The following DIAPH3 variants were observed in gnomAD, a reference collection of about 807,000 sequenced individuals.
DIAPH3 encodes diaphanous related formin 3.
In DIAPH3, 117 loss-of-function variants were observed where a neutral mutation model predicts 144.3. That is an observed-to-expected ratio of 0.81 (90% CI 0.70 to 0.95). The LOEUF (loss-of-function observed/expected upper bound fraction) is 0.95. Among genes scored for constraint, DIAPH3 ranks in the 40% least tolerant of loss-of-function variants. DIAPH3 has a pLI of 0.00. For synonymous variants in DIAPH3, 519 were observed against 488.9 expected (o/e 1.06, Z -0.81); for missense variants, 1,421 against 1,412.7 (o/e 1.01, Z -0.09).
chr13:59,980,996 A>G (rs2050970159), intron 13 of DIAPH3, 137 bp from the exon 14 acceptor site: 3 of 686,920 alleles, frequency 4.4e-6, no homozygotes, highest in Non-Finnish European at 4.8e-6. Context: ...TGGAAAAAAT[A>G]TTATAATGTT....
At chr13:59,881,236 C>T (rs1356984054) in intron 20 of DIAPH3, among the ~76,000 whole-genome samples, 1 of 151,892 alleles carries the variant, frequency 6.6e-6, no homozygotes, top group Admixed American at 6.6e-5. Flanking sequence ...GTTCATATGA[C>T]ACTGGTAACA....
At chr13:60,087,428 C>T (rs1299001743) in intron 4 of DIAPH3, among the ~76,000 whole-genome samples, 2 of 152,174 alleles carry the variant, frequency 1.3e-5, no homozygotes, top group African/African-American at 4.8e-5. Flanking sequence ...TATATCCATA[C>T]ACACAAATAT....
chr13:59,706,975 G>C (rs943753962), intron 27 of DIAPH3, among the ~76,000 whole-genome samples: 2 of 152,154 alleles, frequency 1.3e-5, no homozygotes, highest in African/African-American at 2.4e-5. Context: ...GGGTAGAATT[G>C]ACACATGCAT....
intron 18 of DIAPH3, 39 bp downstream of exon 18, chr13:59,924,736 T>G: frequency 6.3e-7 from 1 of 1,581,772 alleles, no homozygotes. Flanking sequence ...AAAGAAATAT[T>G]TCCACTGTCT....
chr13:60,163,630 G>A lies in DIAPH3; in HGVS notation c.137C>T (p.Pro46Leu), dbSNP rs987952235. The A allele has an allele frequency of 3.1e-6, 5 of 1,605,224 alleles. No individual in the cohort carries two copies. Among genetic ancestry groups the A allele is most frequent in the Non-Finnish European group, 4.3e-6 (5 of 1,173,764 alleles). The part of the protein sequence containing the change: ...PRRKGPQHPP[P>L]PSGPEEPGEK... Reference sequence around the variant, plus strand: ...CCCAGGCTCCTCGGGGCCACTGGGCGGCGGAGGGTGTTGGGGGCCCTTCCT... The same window carrying A: ...CCCAGGCTCCTCGGGGCCACTGGGCAGCGGAGGGTGTTGGGGGCCCTTCCT... The change falls in exon 1 of 28, where the codon CCG becomes CTG. Residue 46 changes from proline to leucine, a missense_variant. Pro to Leu is a moderately conservative substitution (Grantham distance 98, BLOSUM62 -3). Coordinates refer to ENST00000400324, the MANE Select transcript of DIAPH3 (RefSeq NM_001042517.2).
intron 25 of DIAPH3, among the ~76,000 whole-genome samples, chr13:59,777,837 T>C (rs2038505315): frequency 6.6e-6 from 1 of 152,038 alleles, no homozygotes; most frequent in South Asian, 2.1e-4. Context: ...TAGAGAACTG[T>C]TCTAGATTAA....
intron 17 of DIAPH3, among the ~76,000 whole-genome samples, chr13:59,966,251 T>C (rs1243729928): frequency 2.0e-5 from 3 of 150,988 alleles, no homozygotes; most frequent in Admixed American, 1.3e-4. Flanking sequence ...AAAAGCAGAA[T>C]AGGTAAGATC....
At chr13:60,088,813 G>A (rs1461469195) in intron 4 of DIAPH3, among the ~76,000 whole-genome samples, 2 of 152,040 alleles carry the variant, frequency 1.3e-5, no homozygotes, top group African/African-American at 4.8e-5. Context: ...GGAGAGACAG[G>A]GTTTCACCAT....
At chr13:59,928,151 C>A (rs750349515) in intron 17 of DIAPH3, among the ~76,000 whole-genome samples, 1 of 151,974 alleles carries the variant, frequency 6.6e-6, no homozygotes, top group Non-Finnish European at 1.5e-5. Context: ...TATTTCTTGT[C>A]CTTGTCTAGT....
intron 4 of DIAPH3, among the ~76,000 whole-genome samples, chr13:60,065,390 A>C (rs2056920228): frequency 6.6e-6 from 1 of 152,110 alleles, no homozygotes; most frequent in Non-Finnish European, 1.5e-5. Flanking sequence ...TCTGTTCCCA[A>C]ATCTGATCTT....
intron 27 of DIAPH3, among the ~76,000 whole-genome samples, chr13:59,742,482 A>T (rs2036505491): frequency 6.6e-6 from 1 of 152,136 alleles, no homozygotes; most frequent in Admixed American, 6.5e-5. Context: ...TCTGGTTCTT[A>T]TGACTTACCT....
chr13:59,929,558 T>TC (rs1349830996), intron 17 of DIAPH3, among the ~76,000 whole-genome samples: 17 of 134,866 alleles, frequency 1.3e-4, no homozygotes, highest in Non-Finnish European at 2.2e-4. Flanking sequence ...TTTGTTCTTT[T>TC]TTTTTTTTTT....
At chr13:59,901,676 A>C (rs761459735) in intron 20 of DIAPH3, among the ~76,000 whole-genome samples, 2 of 152,258 alleles carry the variant, frequency 1.3e-5, no homozygotes, top group African/African-American at 4.8e-5. Context: ...TAGGTGTTCA[A>C]TAAATATTTG....
intron 27 of DIAPH3, among the ~76,000 whole-genome samples, chr13:59,721,492 T>A (rs1212420489): frequency 6.6e-6 from 1 of 152,192 alleles, no homozygotes; most frequent in Non-Finnish European, 1.5e-5. Context: ...ATGTTTTTTT[T>A]AAAGTTATTT....
At chr13:59,814,165 G>T (rs1001882015) in intron 24 of DIAPH3, among the ~76,000 whole-genome samples, 2 of 152,102 alleles carry the variant, frequency 1.3e-5, no homozygotes, top group African/African-American at 4.8e-5. Flanking sequence ...CTACTCTAAT[G>T]ACTGAATACA....
Position 59,917,889 on chromosome 13 carries a change from C to CAAA in DIAPH3, c.2171-1643_2171-1641dup, listed in dbSNP as rs60792156. On this transcript the variant is annotated intron_variant, in intron 18 of 27. Coordinates refer to ENST00000400324, the MANE Select transcript of DIAPH3 (RefSeq NM_001042517.2). ...TGGGCGACAGAGTAAGACTCTGTCT[C>CAAA]AAAAAAAAAAAAAAAAAAAAAAAAA... is the stretch of plus-strand genomic sequence containing the variant. Among the ~76,000 whole-genome samples, 119 of 18,642 alleles carry CAAA rather than the reference C, an allele frequency of 6.4e-3. 18 individuals carry two copies. The highest frequency in any genetic ancestry group is 0.01 in the Non-Finnish European group (95 of 9,156). The allele number at this position is 18,642 out of a possible 152,430, so 12.2% of individuals were successfully genotyped here.
intron 18 of DIAPH3, among the ~76,000 whole-genome samples, chr13:59,922,385 CT>C (rs1164012837): frequency 6.6e-6 from 1 of 152,042 alleles, no homozygotes; most frequent in African/African-American, 2.4e-5. Flanking sequence ...ACCAAAACCA[CT>C]TTTAAATAGA....
chr13:60,080,614 C>T (rs1235365242), intron 4 of DIAPH3, among the ~76,000 whole-genome samples: 1 of 151,780 alleles, frequency 6.6e-6, no homozygotes. Context: ...ATAATCTAAG[C>T]CAATACGTTT....
chr13:60,015,147 C>T (rs970831619), intron 7 of DIAPH3, among the ~76,000 whole-genome samples: 10 of 152,072 alleles, frequency 6.6e-5, no homozygotes, highest in Admixed American at 2.0e-4. Flanking sequence ...AGGCATGTGC[C>T]GCCATGCCCA....
Sources: gnomAD v4.1 joint callset for allele counts (sites outside exome capture counted in the v4.1 genomes callset) on GRCh38, gnomAD v4.1.1 for gene constraint, MANE v1.5 for transcripts, NCBI Gene and HGNC (gene_info 2026-07-23, HGNC 2026-07-21) for gene names.